Variants in PDGFD observed in about 807,000 individuals in gnomAD.
PDGFD encodes platelet derived growth factor D, also known as platelet-derived growth factor D.
In PDGFD, 30 loss-of-function variants were observed where a neutral mutation model predicts 44.7. That is an observed-to-expected ratio of 0.67 (90% CI 0.50 to 0.91). The LOEUF is 0.91. Ranked by LOEUF, PDGFD falls within the 40% of genes least tolerant of loss-of-function variation. The probability of loss-of-function intolerance (pLI) is 0.00; values close to 1 mark genes in which losing one functional copy is unlikely to be tolerated. For synonymous variants in PDGFD, 173 were observed against 168.4 expected, an observed-to-expected ratio of 1.03 and a Z score of -0.21; for missense variants, 445 against 457.8, an observed-to-expected ratio of 0.97 and a Z score of 0.25.
chr11:104,068,432 G>C (rs1206194934), intron 1 of PDGFD, among the ~76,000 whole-genome samples: 1 of 152,048 alleles, frequency 6.6e-6, no homozygotes, highest in Admixed American at 6.6e-5. Context: ...TGTAGCTTTT[G>C]TAATTTGTGA....
At chr11:103,964,142 G>T (rs370326592) in intron 3 of PDGFD, among the ~76,000 whole-genome samples, 1 of 152,062 alleles carries the variant, frequency 6.6e-6, no homozygotes, top group Non-Finnish European at 1.5e-5. Context: ...AAGTAGAAGT[G>T]ATCAATGTCA....
intron 3 of PDGFD, among the ~76,000 whole-genome samples, chr11:103,971,079 C>G (rs899033462): frequency 6.6e-6 from 1 of 152,122 alleles, no homozygotes; most frequent in Non-Finnish European, 1.5e-5. Flanking sequence ...GAGTATCTGT[C>G]TTCCACTGTG....
intron 5 of PDGFD, among the ~76,000 whole-genome samples, chr11:103,938,218 G>C (rs1858523846): frequency 6.6e-6 from 1 of 152,076 alleles, no homozygotes; most frequent in Non-Finnish European, 1.5e-5. Flanking sequence ...AGCACCTGTT[G>C]TTTCCTGACT....
intron 6 of PDGFD, among the ~76,000 whole-genome samples, chr11:103,912,029 G>T (rs571762721): frequency 6.6e-6 from 1 of 152,298 alleles, no homozygotes; most frequent in African/African-American, 2.4e-5. Flanking sequence ...GTGATGGGGA[G>T]AATGGAATCA....
At chr11:103,940,715 T>C (rs1858569794) in intron 5 of PDGFD, among the ~76,000 whole-genome samples, 1 of 152,150 alleles carries the variant, frequency 6.6e-6, no homozygotes, top group Admixed American at 6.6e-5. Context: ...TGATAAATAA[T>C]TAAATCAGCA....
intron 1 of PDGFD, among the ~76,000 whole-genome samples, chr11:104,050,617 G>C (rs1053867867): frequency 6.6e-6 from 1 of 152,118 alleles, no homozygotes; most frequent in Non-Finnish European, 1.5e-5. Flanking sequence ...AAGTGATAAC[G>C]TGTGGGTCTG....
chr11:103,910,630 T>C (rs562299370), intron 6 of PDGFD, among the ~76,000 whole-genome samples: 1 of 152,342 alleles, frequency 6.6e-6, no homozygotes, highest in South Asian at 2.1e-4. Context: ...CCCCAGTGCC[T>C]ATGCCACCAG....
chr11:104,031,306 C>T (rs1458212781), intron 1 of PDGFD, among the ~76,000 whole-genome samples: 2 of 152,108 alleles, frequency 1.3e-5, no homozygotes, highest in Non-Finnish European at 2.9e-5. Flanking sequence ...AAAAAACAAA[C>T]AACCCCATTA....
chr11:103,938,775 C>T (rs1341155129), intron 5 of PDGFD, among the ~76,000 whole-genome samples: 1 of 152,168 alleles, frequency 6.6e-6, no homozygotes, highest in Non-Finnish European at 1.5e-5. Flanking sequence ...CTACATAGGG[C>T]TAGCCAGTTT....
intron 3 of PDGFD, among the ~76,000 whole-genome samples, chr11:103,957,020 C>T (rs1858861980): frequency 6.6e-6 from 1 of 152,128 alleles, no homozygotes; most frequent in African/African-American, 2.4e-5. Flanking sequence ...CCTGTTCACT[C>T]TGATGGTAGT....
intron 1 of PDGFD, among the ~76,000 whole-genome samples, chr11:104,118,809 A>AATATATTATATATTATAAATATTAAT (rs1861684089): frequency 4.0e-5 from 2 of 49,572 alleles, no homozygotes; most frequent in Non-Finnish European, 8.6e-5. Flanking sequence ...ATTAATATAT[A>AATATATTATATATTATAAATATTAAT]ATATATTATA....
chr11:104,072,965 CCTTAT>C (rs764552206), intron 1 of PDGFD, among the ~76,000 whole-genome samples: 2 of 151,874 alleles, frequency 1.3e-5, no homozygotes, highest in Non-Finnish European at 2.9e-5. Context: ...TATATTAATT[CCTTAT>C]CTTTTCTTTA....
chr11:104,044,181 A>C (rs1245560550), intron 1 of PDGFD, among the ~76,000 whole-genome samples: 1 of 152,258 alleles, frequency 6.6e-6, no homozygotes, highest in African/African-American at 2.4e-5. Context: ...TTGGGCATTT[A>C]TAAAACCGAG....
chr11:103,998,701 G>T (rs1859575032), intron 2 of PDGFD, among the ~76,000 whole-genome samples: 1 of 152,172 alleles, frequency 6.6e-6, no homozygotes, highest in Non-Finnish European at 1.5e-5. Flanking sequence ...AGTAGGAGAG[G>T]CTTGGAAGCT....
intron 3 of PDGFD, among the ~76,000 whole-genome samples, chr11:103,979,465 T>C (rs1212276118): frequency 6.6e-6 from 1 of 152,078 alleles, no homozygotes; most frequent in African/African-American, 2.4e-5. Flanking sequence ...TTACCACAAT[T>C]GACTCAGGCA....
chr11:103,994,680 A>G (rs1859509180), intron 3 of PDGFD, among the ~76,000 whole-genome samples: 1 of 152,186 alleles, frequency 6.6e-6, no homozygotes, highest in Non-Finnish European at 1.5e-5. Flanking sequence ...CTATTTTGGC[A>G]TTCACACTTG....
chr11:104,067,177 T>C (rs17331699), intron 1 of PDGFD, among the ~76,000 whole-genome samples: 7,536 of 152,272 alleles, frequency 0.049, 216 homozygotes, highest in Non-Finnish European at 0.074. Context: ...TTCAAACATC[T>C]GTCTAGAGAC....
At chr11:104,025,919 G>A (rs980658257) in intron 1 of PDGFD, among the ~76,000 whole-genome samples, 2 of 152,116 alleles carry the variant, frequency 1.3e-5, no homozygotes, top group Non-Finnish European at 2.9e-5. Flanking sequence ...CTTTTCTCTT[G>A]TGCACCCACA....
chr11:104,093,304 GCA>G (rs148019515), intron 1 of PDGFD, among the ~76,000 whole-genome samples: 19 of 150,804 alleles, frequency 1.3e-4, no homozygotes, highest in African/African-American at 3.6e-4. Flanking sequence ...AAGGGTCAGT[GCA>G]CACACACACA....
Sources: allele counts gnomAD v4.1 joint callset (sites outside exome capture counted in the v4.1 genomes callset), GRCh38; gene constraint gnomAD v4.1.1; transcripts MANE v1.5; gene names NCBI Gene and HGNC (gene_info 2026-07-23, HGNC 2026-07-21).